Variants in AREG observed in about 807,000 individuals in gnomAD.
AREG encodes amphiregulin.
Under a neutral mutation model 28.0 loss-of-function variants are expected in AREG, and 16 were observed. That is an observed-to-expected ratio of 0.57 (90% CI 0.39 to 0.87). AREG has a LOEUF of 0.87. Among genes scored for constraint, AREG ranks in the 40% least tolerant of loss-of-function variants. AREG has a pLI of 0.00. For synonymous variants in AREG, 113 were observed against 113.5 expected (o/e 1.00, Z 0.02); for missense variants, 287 against 309.1 (o/e 0.93, Z 0.53).
Position 74,449,172 on chromosome 4 carries a change from T to A in AREG, c.436T>A (p.Cys146Ser). 6.2e-7 allele frequency: 1 copy of A among 1,612,986 alleles called. No individual in the cohort carries two copies. The highest frequency in any genetic ancestry group is 1.3e-5 in the African/African-American group (1 of 74,768). ...NRRNRKKKNP[C>S]NAEFQNFCIH... is the part of the protein sequence containing the mutation. Reference sequence around the variant, plus strand: ...AAGAAACAGAAAGAAGAAAAATCCATGTAATGCAGAATTTCAAAATTTCTG... The same window carrying A: ...AAGAAACAGAAAGAAGAAAAATCCAAGTAATGCAGAATTTCAAAATTTCTG... The change falls in exon 3 of 6, where the codon TGT (cysteine) becomes AGT (serine). Residue 146 changes from cysteine to serine, a missense_variant. Cys to Ser is a moderately radical substitution (Grantham distance 112). Transcript: ENST00000395748.
intron 4 of AREG, among the ~76,000 whole-genome samples, chr4:74,450,733 C>T (rs1719367541): frequency 6.6e-6 from 1 of 152,074 alleles, no homozygotes; most frequent in Non-Finnish European, 1.5e-5. Context: ...TGAAATTTAA[C>T]ATGTAAAGCC....
rs758227735 is a variant in AREG, at chr4:74,445,343, C to G, written c.-3C>G. On this transcript the variant is annotated 5_prime_UTR_variant, in exon 1 of 6. Transcript: ENST00000395748. ...ACCGAGACGCCGCCGCTGCGAAGGA[C>G]CAATGAGAGCCCCGCTGCTACCGCC... is the stretch of plus-strand genomic sequence containing the variant. 5 of 1,610,194 alleles carry G rather than the reference C, an allele frequency of 3.1e-6. No individual in the cohort carries two copies. The highest frequency in any genetic ancestry group is 4.2e-6 in the Non-Finnish European group (5 of 1,179,332).
chr4:74,447,465 T>C (rs1719312383), intron 2 of AREG, among the ~76,000 whole-genome samples: 1 of 152,202 alleles, frequency 6.6e-6, no homozygotes, highest in African/African-American at 2.4e-5. Flanking sequence ...CCAAATCCCA[T>C]TTGTTAGTTA....
intron 4 of AREG, among the ~76,000 whole-genome samples, chr4:74,451,148 A>G (rs1179723260): frequency 6.6e-6 from 1 of 152,232 alleles, no homozygotes; most frequent in Non-Finnish European, 1.5e-5. Flanking sequence ...AAGCAAGGAC[A>G]ATTCTATTAC....
rs1719290835 is a variant in AREG, at chr4:74,446,549, G to C, written c.77G>C (p.Gly26Ala). 9.9e-6 allele frequency: 16 copies of C among 1,613,904 alleles called. No individual in the cohort carries two copies. The highest frequency in any genetic ancestry group is 1.3e-5 in the African/African-American group (1 of 75,000). ...TCCCCTGCAGGCCATTATGCTGCTG[G>C]ATTGGACCTCAATGACACCTACTCT... ...LILGSGHYAA[G>A]LDLNDTYSGK... The change falls in exon 2 of 6, where the codon GGA becomes GCA. Residue 26 changes from glycine (G) to alanine (A), a missense_variant. Coordinates refer to ENST00000395748, the MANE Select transcript of AREG (RefSeq NM_001657.4).
At position 74,445,195 on chromosome 4, in the gene AREG, C is replaced by G; in HGVS notation, c.-151C>G. The G allele has an allele frequency of 6.8e-7, 1 of 1,475,176 alleles. No individual in the cohort carries two copies. The highest frequency in any genetic ancestry group is 1.4e-5 in the South Asian group (1 of 73,778). The allele number at this position is 1,475,176 out of a possible 1,614,324, so 91.4% of individuals were successfully genotyped here. A position where few individuals can be genotyped will look rare whatever the true frequency, so the allele number is the denominator to read the frequency against. ...GGTCCCGGGACAGCCCGAGGCGCCG[C>G]GCCCGCCGCCCCGAGCTCCCCAAGC... is the stretch of plus-strand genomic sequence containing the variant. On this transcript the variant is annotated 5_prime_UTR_variant, in exon 1 of 6. Coordinates refer to ENST00000395748, the MANE Select transcript of AREG (RefSeq NM_001657.4).
In AREG at chr4:74,451,439, G is replaced by A. The variant is rs1578845243; in HGVS notation, c.665+907G>A. Reference sequence around the variant, plus strand: ...ATAACTTTAACAGCTATCCACTTGTGTACATGATCTACCACGACTACCATT... The same window carrying A: ...ATAACTTTAACAGCTATCCACTTGTATACATGATCTACCACGACTACCATT... On this transcript the variant is annotated intron_variant, in intron 4 of 5. Transcript: ENST00000395748. Among the ~76,000 whole-genome samples the A allele has an allele frequency of 3.9e-5, 6 of 152,300 alleles. No homozygotes were observed. The East Asian group carries it at 1.2e-3, about 29-fold the overall frequency.
chr4:74,449,310 T>G (rs1167952930), intron 3 of AREG, 62 bp downstream of exon 3: 2 of 1,607,214 alleles, frequency 1.2e-6, no homozygotes, highest in Non-Finnish European at 1.7e-6. Context: ...AACCCCTAAC[T>G]GCAGGAAACC....
chr4:74,445,661 C>G (rs1027583021), intron 1 of AREG, among the ~76,000 whole-genome samples: 5 of 152,170 alleles, frequency 3.3e-5, no homozygotes, highest in Non-Finnish European at 7.4e-5. Context: ...TCATTTGAAC[C>G]TAACCCTTCG....
At chr4:74,452,958 G>A (rs1719404606) in intron 5 of AREG, among the ~76,000 whole-genome samples, 1 of 152,158 alleles carries the variant, frequency 6.6e-6, no homozygotes, top group African/African-American at 2.4e-5. Context: ...TAAAATAAAT[G>A]TCATGAGAAA....
Position 74,449,051 on chromosome 4 carries a change from A to C in AREG, c.315A>C (p.Glu105Asp). ...AATAAATCTTTTCTTTTTTAGTTGA[A>C]CAGGTAGTTAAGCCCCCCCAAAACA... ...GYIVDDSVRVEQVVKPPQNKT... is the reference protein window; with the variant it reads ...GYIVDDSVRVDQVVKPPQNKT... The change falls in exon 3 of 6, where the codon GAA becomes GAC. Residue 105 changes from glutamate to aspartate, a missense_variant. By Grantham distance (45) the Glu-to-Asp change is conservative (BLOSUM62 2). Transcript: ENST00000395748. The C allele has an allele frequency of 6.2e-7, 1 of 1,609,352 alleles. No homozygotes were observed. Among genetic ancestry groups the C allele is most frequent in the Non-Finnish European group, 8.5e-7 (1 of 1,179,254 alleles).
Position 74,455,000 on chromosome 4 carries a change from A to G in AREG, c.*260A>G, listed in dbSNP as rs1719442011. On this transcript the variant is annotated 3_prime_UTR_variant, in exon 6 of 6. Coordinates refer to ENST00000395748, the MANE Select transcript of AREG (RefSeq NM_001657.4). ...TTTTACAGCTCATTAAACTTTTTTA[A>G]CCAAACAGATTGAGAGTTTGAATAT... is the stretch of plus-strand genomic sequence containing the variant. 12 of 572,996 alleles carry G rather than the reference A, an allele frequency of 2.1e-5. No homozygotes were observed. In the South Asian group the frequency reaches 3.0e-4, roughly 14 times the overall value. The allele number at this position is 572,996 out of a possible 1,614,324, so 35.5% of individuals were successfully genotyped here. A position where few individuals can be genotyped will look rare whatever the true frequency, so the allele number is the denominator to read the frequency against.
In AREG at chr4:74,446,625, TA is replaced by T. The variant is rs1293102636; in HGVS notation, c.154del (p.Thr52ProfsTer15). ...GDHSADGFEVTSRSEMSSGSE... is the reference protein window; with the variant it reads ...GDHSADGFEVXSRSEMSSGSE... ...ACCACAGTGCTGATGGATTTGAGGTTACCTCAAGAAGTGAGATGTCTTCAGG... is the reference window on the plus strand; with the variant it reads ...ACCACAGTGCTGATGGATTTGAGGTTCCTCAAGAAGTGAGATGTCTTCAGG... On this transcript the variant is annotated frameshift_variant, in exon 2 of 6. Coordinates refer to ENST00000395748, the MANE Select transcript of AREG (RefSeq NM_001657.4). LOFTEE classifies it high-confidence loss of function. 6.2e-7 allele frequency: 1 copy of T among 1,613,870 alleles called. No individual in the cohort carries two copies. Among genetic ancestry groups the T allele is most frequent in the Non-Finnish European group, 8.5e-7 (1 of 1,179,874 alleles).
chr4:74,449,245 G>T lies in AREG; in HGVS notation c.509G>T (p.Cys170Phe). ...KYIEHLEAVT[C>F]KCQQEYFGER... ...ATAGAGCACCTGGAAGCAGTAACAT[G>T]CAAGTAAGTTTTCCTAAAGCATATA... Residue 170 changes from cysteine (C) to phenylalanine (F), a missense_variant, in exon 3 of 6, where the codon TGC (cysteine) becomes TTC (phenylalanine). Coordinates refer to ENST00000395748, the MANE Select transcript of AREG (RefSeq NM_001657.4). 1.2e-6 allele frequency: 2 copies of T among 1,613,484 alleles called. No homozygotes were observed. The highest frequency in any genetic ancestry group is 1.7e-6 in the Non-Finnish European group (2 of 1,179,770).
chr4:74,451,888 C>G (rs955911254), intron 4 of AREG, among the ~76,000 whole-genome samples: 3 of 152,054 alleles, frequency 2.0e-5, no homozygotes, highest in Non-Finnish European at 4.4e-5. Flanking sequence ...ATAAAACAAA[C>G]ACTAAACCTA....
chr4:74,448,766 T>C, intron 2 of AREG: 1 of 366,714 alleles, frequency 2.7e-6, no homozygotes, highest in Non-Finnish European at 5.0e-6. Context: ...CATTGTAACA[T>C]AGAGTAACTC....
intron 1 of AREG, among the ~76,000 whole-genome samples, chr4:74,445,925 A>G (rs1719274878): frequency 6.6e-6 from 1 of 152,166 alleles, no homozygotes. Context: ...AATCTTACTT[A>G]GTACTCAGTT....
chr4:74,452,677 T>C (rs1237552140), intron 5 of AREG, 22 bp downstream of exon 5: 5 of 1,598,882 alleles, frequency 3.1e-6, no homozygotes, highest in Non-Finnish European at 4.3e-6. Flanking sequence ...AAAATATATC[T>C]TTAGATCATA....
chr4:74,446,901 A>G, intron 2 of AREG, 119 bp downstream of exon 2: 2 of 1,594,992 alleles, frequency 1.3e-6, no homozygotes, highest in South Asian at 1.1e-5. Flanking sequence ...TATCTGTTGG[A>G]TAGCCCCTAG....
Sources: allele counts gnomAD v4.1 joint callset (sites outside exome capture counted in the v4.1 genomes callset), GRCh38; gene constraint gnomAD v4.1.1; transcripts MANE v1.5; gene names NCBI Gene and HGNC (gene_info 2026-07-23, HGNC 2026-07-21).